PASD1: variants seen among roughly 807,000 people sequenced by gnomAD.
The protein encoded by PASD1 is circadian clock protein PASD1.
Under a neutral mutation model 58.8 loss-of-function variants are expected in PASD1, and 13 were observed. That is an observed-to-expected ratio of 0.22 (90% confidence interval 0.14 to 0.35). The LOEUF (loss-of-function observed/expected upper bound fraction) is 0.35, where lower values mean the gene tolerates loss of function less well. PASD1 is among the 10% of genes least tolerant of loss of function. The probability of loss-of-function intolerance (pLI) is 1.00; values close to 1 mark genes in which losing one functional copy is unlikely to be tolerated. For synonymous variants in PASD1, 236 were observed against 216.7 expected (o/e 1.09, Z -0.78); for missense variants, 734 against 568.3 (o/e 1.29, Z -2.96).
intron 3 of PASD1, 89 bp from the exon 4 acceptor site, chrX:151,611,575 C>A: frequency 1.6e-6 from 1 of 610,421 alleles, no homozygotes; most frequent in Non-Finnish European, 2.5e-6. Flanking sequence ...TTTCAGTGTG[C>A]TATTATAATT....
At chrX:151,674,888 A>G (rs966891961) in intron 15 of PASD1, among the ~76,000 whole-genome samples, 2 of 111,929 alleles carry the variant, frequency 1.8e-5, no homozygotes, top group African/African-American at 6.5e-5. Context: ...AAGCTAAGGC[A>G]GAAAGGAGTT....
At chrX:151,619,760 G>A (rs893151758) in intron 4 of PASD1, among the ~76,000 whole-genome samples, 1 of 111,335 alleles carries the variant, frequency 9.0e-6, no homozygotes, top group African/African-American at 3.3e-5. Flanking sequence ...CTTCATTAGT[G>A]TGGTTTCAAG....
At chrX:151,644,793 C>A (rs2014040256) in intron 8 of PASD1, among the ~76,000 whole-genome samples, 2 of 108,594 alleles carry the variant, frequency 1.8e-5, no homozygotes, top group Non-Finnish European at 3.8e-5. Context: ...AAATATTTTT[C>A]CAGCTTTATT....
rs964943782 is a variant in PASD1 at position 151,672,382 on chromosome X, G to A, written c.1637G>A (p.Arg546Gln). ...RRQKKKKLQE[R>Q]KKWQGQMLQK... The stretch of plus-strand genomic sequence containing the variant: ...CAAAAGAAGAAGAAGCTACAGGAGC[G>A]GAAGAAGTGGCAGGGGCAGATGCTA... The change falls in exon 14 of 16, where the codon CGG becomes CAG. Residue 546 changes from arginine (R) to glutamine (Q), a missense_variant. By Grantham distance (43) the Arg-to-Gln change is conservative. Coordinates refer to ENST00000370357, the MANE Select transcript of PASD1 (RefSeq NM_173493.3). 5 of 1,207,441 alleles carry A rather than the reference G, an allele frequency of 4.1e-6. No individual in the cohort carries two copies. The highest frequency in any genetic ancestry group is 1.8e-5 in the South Asian group (1 of 56,349).
At chrX:151,566,433 G>A (rs1394598705) in intron 1 of PASD1, among the ~76,000 whole-genome samples, 1 of 111,716 alleles carries the variant, frequency 9.0e-6, no homozygotes, top group Non-Finnish European at 1.9e-5. Context: ...CTAACAAAAT[G>A]ATGGAGGAGC....
In PASD1 at chrX:151,563,758, G is replaced by A. The variant is rs999307507; in HGVS notation, c.-109G>A. 4 of 112,259 alleles carry A rather than the reference G, an allele frequency of 3.6e-5. No homozygotes were observed. The highest frequency in any genetic ancestry group is 1.3e-4 in the African/African-American group (4 of 30,842). 9.3% of individuals were successfully genotyped at this position (112,259 alleles called of 1,213,427 possible). ...CTTTCCGGGCGCCCACCAGGCTCCC[G>A]GGCTCTCACCGGAGACCACAGGGAG... On this transcript the variant is annotated 5_prime_UTR_variant, in exon 1 of 16. Transcript: ENST00000370357.
intron 1 of PASD1, among the ~76,000 whole-genome samples, chrX:151,582,755 A>T (rs16995599): frequency 0.069 from 7,620 of 111,240 alleles, 316 homozygotes; most frequent in African/African-American, 0.15. Flanking sequence ...AAATATTCAA[A>T]TCCCGTGTCT....
intron 8 of PASD1, chrX:151,645,741 G>A (rs1315922701): frequency 1.8e-5 from 2 of 111,399 alleles, no homozygotes; most frequent in Non-Finnish European, 3.8e-5. Context: ...CTAACCAAAG[G>A]CCAGCAGTGG....
At chrX:151,644,823 T>C (rs2014040681) in intron 8 of PASD1, among the ~76,000 whole-genome samples, 1 of 111,003 alleles carries the variant, frequency 9.0e-6, no homozygotes. Flanking sequence ...TTGACCAATG[T>C]TGAGGGTATG....
At position 151,667,441 on chromosome X, in the gene PASD1, CAT is replaced by C; in HGVS notation, c.1071+3094_1071+3095del. On this transcript the variant is annotated intron_variant, in intron 11 of 15. Transcript: ENST00000370357. ...TTGCCATTGCTTTCGGTGTTTTAGA[CAT>C]GAAGTCCTTGCCCACGCCTATGTCC... Among the ~76,000 whole-genome samples, 2 of 111,916 alleles carry C rather than the reference CAT, an allele frequency of 1.8e-5. 1 individual carries two copies. The highest frequency in any genetic ancestry group is 9.2e-3 in the Middle Eastern group (2 of 218).
chrX:151,615,842 G>A lies in PASD1; in HGVS notation c.207+4089G>A, dbSNP rs939737043. Among the ~76,000 whole-genome samples, 27 of 112,228 alleles carry A rather than the reference G, an allele frequency of 2.4e-4. 1 individual carries two copies. The Admixed American group carries it at 2.5e-3, about 10-fold the overall frequency. On this transcript the variant is annotated intron_variant, in intron 4 of 15. Transcript: ENST00000370357. ...CTTTAGTTTCTCTTCTATAAGTGGG[G>A]AAATAATATTACTTAGAGAGTGCTG... is the stretch of plus-strand genomic sequence containing the variant.
intron 1 of PASD1, among the ~76,000 whole-genome samples, chrX:151,590,312 T>C (rs1200867247): frequency 8.9e-6 from 1 of 112,221 alleles, no homozygotes; most frequent in Non-Finnish European, 1.9e-5. Flanking sequence ...CCCTGAGATA[T>C]GTAAGTAAAC....
rs73626784 is a variant in PASD1 at position 151,565,962 on chromosome X, T to A, written c.-28+2123T>A. Among the ~76,000 whole-genome samples, 18 of 112,365 alleles carry A rather than the reference T, an allele frequency of 1.6e-4. No individual in the cohort carries two copies. In the East Asian group the frequency reaches 4.7e-3, roughly 29 times the overall value. On this transcript the variant is annotated intron_variant, in intron 1 of 15. Transcript: ENST00000370357. ...ATAAGAATTAGACTAGAAATCCTCC[T>A]ACTCTTAACTGAAAGTTGATAGGGT...
intron 1 of PASD1, among the ~76,000 whole-genome samples, chrX:151,594,679 A>G (rs186124093): frequency 1.4e-3 from 157 of 112,612 alleles, no homozygotes; most frequent in Non-Finnish European, 2.5e-3. Context: ...TTTTATAGAA[A>G]TAAATTAAAG....
chrX:151,647,772 A>G (rs895661714), intron 8 of PASD1, among the ~76,000 whole-genome samples: 2 of 110,961 alleles, frequency 1.8e-5, no homozygotes, highest in African/African-American at 6.5e-5. Context: ...TGAAATACAT[A>G]ATGGAAAATT....
chrX:151,583,386 A>G (rs1397908801), intron 1 of PASD1, among the ~76,000 whole-genome samples: 3 of 112,032 alleles, frequency 2.7e-5, no homozygotes, highest in Admixed American at 9.5e-5. Context: ...CTATGGTTGC[A>G]TATGAGCCCC....
intron 8 of PASD1, among the ~76,000 whole-genome samples, chrX:151,641,638 C>A (rs577685379): frequency 1.8e-5 from 2 of 111,364 alleles, no homozygotes; most frequent in Non-Finnish European, 1.9e-5. Flanking sequence ...GACCCTAACT[C>A]ATTGTCTCAT....
chrX:151,568,534 A>T (rs2012880737), intron 1 of PASD1, among the ~76,000 whole-genome samples: 1 of 112,506 alleles, frequency 8.9e-6, no homozygotes, highest in African/African-American at 3.2e-5. Context: ...ATTAAAGCAT[A>T]AATTCATGAA....
At chrX:151,627,600 A>G (rs2013805756) in intron 8 of PASD1, among the ~76,000 whole-genome samples, 1 of 111,805 alleles carries the variant, frequency 8.9e-6, no homozygotes, top group Non-Finnish European at 1.9e-5. Context: ...AATCCAGTCT[A>G]TCATTGATGG....
Sources: gnomAD v4.1 joint callset for allele counts (sites outside exome capture counted in the v4.1 genomes callset) on GRCh38, gnomAD v4.1.1 for gene constraint, MANE v1.5 for transcripts, NCBI Gene and HGNC (gene_info 2026-07-23, HGNC 2026-07-21) for gene names.